Variants in XXYLT1 observed in about 807,000 individuals in gnomAD.
XXYLT1 encodes the protein xyloside xylosyltransferase 1, also known as UDP-xylose:alpha-xyloside alpha-1,3-xylosyltransferase.
In XXYLT1, 20 loss-of-function variants were observed where a neutral mutation model predicts 28.9. The observed-to-expected ratio is 0.69, with a 90% CI of 0.49 to 1.00. The LOEUF (loss-of-function observed/expected upper bound fraction) is 1.00. XXYLT1 is among the 50% of genes least tolerant of loss of function. XXYLT1 has a pLI of 0.00. For synonymous variants in XXYLT1, 257 were observed against 253.8 expected, an observed-to-expected ratio of 1.01 and a Z score of -0.12; for missense variants, 542 against 560.1, an observed-to-expected ratio of 0.97 and a Z score of 0.33.
chr3:195,126,256 G>A (rs751044825), intron 3 of XXYLT1, among the ~76,000 whole-genome samples: 24 of 152,296 alleles, frequency 1.6e-4, no homozygotes, highest in Non-Finnish European at 3.1e-4. Flanking sequence ...CCAGGCCTGC[G>A]GAAACCACAG....
chr3:195,172,397 G>A (rs975864219), intron 2 of XXYLT1, among the ~76,000 whole-genome samples: 1 of 152,166 alleles, frequency 6.6e-6, no homozygotes, highest in Non-Finnish European at 1.5e-5. Flanking sequence ...GGTTCTCTCC[G>A]GGGCCAGGGG....
chr3:195,262,014 C>G (rs1431998594), intron 1 of XXYLT1, among the ~76,000 whole-genome samples: 2 of 152,194 alleles, frequency 1.3e-5, no homozygotes, highest in African/African-American at 4.8e-5. Flanking sequence ...AGTGATGTGA[C>G]AACATATGTC....
intron 3 of XXYLT1, among the ~76,000 whole-genome samples, chr3:195,113,139 C>T (rs903306): frequency 0.5 from 76,436 of 152,126 alleles, 20,561 homozygotes; most frequent in Middle Eastern, 0.65. Flanking sequence ...CAGAGCCTGG[C>T]AAGAGCCACT....
At chr3:195,203,091 G>A (rs560610698) in intron 2 of XXYLT1, among the ~76,000 whole-genome samples, 1 of 152,014 alleles carries the variant, frequency 6.6e-6, no homozygotes, top group African/African-American at 2.4e-5. Context: ...TTACAGGTGT[G>A]AGCCACCACA....
chr3:195,161,230 C>T (rs565000508), intron 2 of XXYLT1, among the ~76,000 whole-genome samples: 6 of 152,152 alleles, frequency 3.9e-5, no homozygotes, highest in Non-Finnish European at 7.4e-5. Context: ...CAGAGACTTT[C>T]GGTAATTTGT....
chr3:195,215,730 T>TTC (rs918880273), intron 2 of XXYLT1, among the ~76,000 whole-genome samples: 9 of 151,744 alleles, frequency 5.9e-5, no homozygotes, highest in Non-Finnish European at 8.8e-5. Flanking sequence ...ATGGGAGACT[T>TTC]TAACACCCCA....
Position 195,255,742 on chromosome 3 carries a change from C to G in XXYLT1, c.504+14813G>C, listed in dbSNP as rs1725453913. 1.3e-5 allele frequency among the ~76,000 whole-genome samples: 2 copies of G among 152,190 alleles called. No individual in the cohort carries two copies. Among genetic ancestry groups the G allele is most frequent in the African/African-American group, 4.8e-5 (2 of 41,444 alleles). ...CCAGTCTCCCTTGTCCACTGAGCAG[C>G]TGTGTGGCCCTGAGCAAGTTGCTTG... On this transcript the variant is annotated intron_variant, in intron 1 of 3. Transcript: ENST00000310380. The surrounding 1 kb of genome is among the most constrained non-coding windows in gnomAD (Gnocchi z 4.5).
At chr3:195,212,448 A>G (rs2108780793) in intron 2 of XXYLT1, among the ~76,000 whole-genome samples, 1 of 152,304 alleles carries the variant, frequency 6.6e-6, no homozygotes, top group African/African-American at 2.4e-5. Flanking sequence ...TTCCCAGGAC[A>G]GCCCTTCAGA....
chr3:195,266,233 C>T (rs368754182), intron 1 of XXYLT1, among the ~76,000 whole-genome samples: 40 of 152,276 alleles, frequency 2.6e-4, no homozygotes, highest in African/African-American at 8.4e-4. Flanking sequence ...CGGTGGCTCA[C>T]GCCTGTAATC....
Position 195,070,342 on chromosome 3 carries a change from T to C in XXYLT1, c.786-231A>G, listed in dbSNP as rs557389626. Among the ~76,000 whole-genome samples the C allele has an allele frequency of 4.6e-5, 7 of 151,948 alleles. No individual in the cohort carries two copies. The East Asian group carries it at 1.4e-3, about 30-fold the overall frequency. On this transcript the variant is annotated intron_variant, in intron 3 of 3. Transcript: ENST00000310380. ...TGCTACGTCCTCACCACAGCCAACA[T>C]TGATATTATTGACTGAGGATGTACC...
intron 3 of XXYLT1, among the ~76,000 whole-genome samples, chr3:195,139,958 G>A (rs1175652401): frequency 7.9e-5 from 12 of 152,180 alleles, no homozygotes; most frequent in South Asian, 4.1e-4. Context: ...GACATCTCCC[G>A]AGCCCTACGT....
chr3:195,227,156 G>C (rs78733843), intron 1 of XXYLT1, among the ~76,000 whole-genome samples: 9,683 of 152,194 alleles, frequency 0.064, 479 homozygotes, highest in African/African-American at 0.12. Flanking sequence ...ACAGCCCCTA[G>C]TCTGCTTCCT....
At chr3:195,099,140 TCAAA>T (rs980955531) in intron 3 of XXYLT1, among the ~76,000 whole-genome samples, 7 of 152,220 alleles carry the variant, frequency 4.6e-5, no homozygotes, top group African/African-American at 1.7e-4. Context: ...CACCGCGTTC[TCAAA>T]CAACCGCTTG....
chr3:195,260,224 C>G (rs1217755912), intron 1 of XXYLT1: 2 of 150,474 alleles, frequency 1.3e-5, no homozygotes, highest in Admixed American at 1.3e-4. Context: ...GGCGGCCGCG[C>G]GGGGCACTGC....
intron 3 of XXYLT1, among the ~76,000 whole-genome samples, chr3:195,082,028 C>CAA (rs1416703541): frequency 6.6e-6 from 1 of 152,214 alleles, no homozygotes; most frequent in Non-Finnish European, 1.5e-5. Context: ...TTGATGATGT[C>CAA]TCTTTAACTG....
intron 3 of XXYLT1, among the ~76,000 whole-genome samples, chr3:195,101,053 G>A (rs559843632): frequency 1.8e-4 from 28 of 152,404 alleles, no homozygotes; most frequent in Middle Eastern, 3.4e-3. Flanking sequence ...GCCAGTCTCT[G>A]TGAAGGGCTT....
In XXYLT1 at chr3:195,176,262, G is replaced by T. The variant is rs1359569858; in HGVS notation, c.653-19681C>A. Among the ~76,000 whole-genome samples the T allele has an allele frequency of 1.3e-5, 2 of 152,132 alleles. No individual in the cohort carries two copies. Among genetic ancestry groups the T allele is most frequent in the African/African-American group, 4.8e-5 (2 of 41,422 alleles). Reference sequence around the variant, plus strand: ...TGTAGAGACAGGGTTTCACCATGTTGCCCAGGCTGTAATTTTAACAACATG... The same window carrying T: ...TGTAGAGACAGGGTTTCACCATGTTTCCCAGGCTGTAATTTTAACAACATG... On this transcript the variant is annotated intron_variant, in intron 2 of 3. Transcript: ENST00000310380. The surrounding 1 kb of genome is among the most constrained non-coding windows in gnomAD (Gnocchi z 4.9).
intron 3 of XXYLT1, among the ~76,000 whole-genome samples, chr3:195,148,828 C>T (rs1046016848): frequency 6.6e-6 from 1 of 152,218 alleles, no homozygotes; most frequent in Non-Finnish European, 1.5e-5. Flanking sequence ...CAGCTCTAAA[C>T]TCGGCCACAG....
chr3:195,141,527 T>G (rs1370392998), intron 3 of XXYLT1, among the ~76,000 whole-genome samples: 1 of 152,204 alleles, frequency 6.6e-6, no homozygotes, highest in Non-Finnish European at 1.5e-5. Flanking sequence ...GGCTTTGACA[T>G]TCTAAGACCT....
Sources: allele counts gnomAD v4.1 joint callset (sites outside exome capture counted in the v4.1 genomes callset), GRCh38; gene constraint gnomAD v4.1.1; non-coding constraint Gnocchi (gnomAD v3.1); transcripts MANE v1.5; gene names NCBI Gene and HGNC (gene_info 2026-07-23, HGNC 2026-07-21).